SFI1: variants seen among roughly 807,000 people sequenced by gnomAD.
The protein encoded by SFI1 is protein SFI1 homolog.
A neutral mutation model predicts 207.5 loss-of-function variants in SFI1; 195 were observed. The observed-to-expected ratio is 0.94, with a 90% CI of 0.84 to 1.06. The LOEUF (loss-of-function observed/expected upper bound fraction) is 1.06, where lower values mean the gene tolerates loss of function less well. Ranked by LOEUF, SFI1 falls within the 50% of genes least tolerant of loss-of-function variation. The pLI is 0.00. For synonymous variants in SFI1, 630 were observed against 598.9 expected (o/e 1.05, Z -0.76); for missense variants, 1,634 against 1,588.0 (o/e 1.03, Z -0.49).
intron 1 of SFI1, among the ~76,000 whole-genome samples, chr22:31,506,032 AC>A (rs1771999180): frequency 6.7e-6 from 1 of 149,854 alleles, no homozygotes; most frequent in Non-Finnish European, 1.5e-5. Flanking sequence ...AGCCTGGGTG[AC>A]AGAGGGAAAT....
Position 31,604,876 on chromosome 22 carries a change from A to G in SFI1, c.1985A>G (p.Gln662Arg), listed in dbSNP as rs758532806. ...CTTCCTTGTCCCCTACAGACTTACC[A>G]GGGCAGGGTGCGAAGCATCCTCCGG... Reference protein sequence around the residue: ...HRALQAWVTYQGRVRSILREV... With the variant: ...HRALQAWVTYRGRVRSILREV... The change falls in exon 20 of 33, where the codon CAG becomes CGG. Residue 662 changes from glutamine to arginine, a missense_variant. By Grantham distance (43) the Gln-to-Arg change is conservative. Coordinates refer to ENST00000400288, the MANE Select transcript of SFI1 (RefSeq NM_001007467.3). 7.4e-6 allele frequency: 12 copies of G among 1,611,666 alleles called. No individual in the cohort carries two copies. The highest frequency in any genetic ancestry group is 1.0e-5 in the Non-Finnish European group (12 of 1,178,904).
chr22:31,602,888 C>G, intron 17 of SFI1, 103 bp downstream of exon 17: 1 of 1,281,806 alleles, frequency 7.8e-7, no homozygotes, highest in African/African-American at 1.5e-5. Context: ...GACTGCATTA[C>G]CCCAGACTCT....
chr22:31,612,396 A>ATATATAT (rs1331671158), intron 24 of SFI1: 6 of 95,748 alleles, frequency 6.3e-5, no homozygotes, highest in African/African-American at 1.6e-4. Flanking sequence ...AAAAAAAAAA[A>ATATATAT]AAATATATAT....
intron 15 of SFI1, among the ~76,000 whole-genome samples, chr22:31,591,321 A>G (rs933054106): frequency 1.3e-5 from 2 of 151,998 alleles, no homozygotes; most frequent in East Asian, 1.9e-4. Context: ...AGGCAGAGGA[A>G]TTTTTCTTAG....
At chr22:31,613,898 CA>C in intron 27 of SFI1, 43 bp downstream of exon 27, 1 of 1,541,086 alleles carries the variant, frequency 6.5e-7, no homozygotes. Flanking sequence ...CCACCCTGGG[CA>C]AAAGGTTGGA....
At chr22:31,514,571 T>C (rs925505937) in intron 2 of SFI1, among the ~76,000 whole-genome samples, 7 of 151,708 alleles carry the variant, frequency 4.6e-5, no homozygotes, top group African/African-American at 1.4e-4. Flanking sequence ...CTTTGTGTCC[T>C]TTGATTACCA....
At position 31,583,878 on chromosome 22, in the gene SFI1, C is replaced by CT. The variant is rs1173360213; in HGVS notation, c.1253dup (p.His419AlafsTer12). 6 of 1,613,820 alleles carry CT rather than the reference C, an allele frequency of 3.7e-6. No homozygotes were observed. Among genetic ancestry groups the CT allele is most frequent in the Non-Finnish European group, 5.1e-6 (6 of 1,179,852 alleles). ...TCTTCTTCCTCCCTTGCTTTAGCTG[C>CT]TGCACAGGTTCTGGAACCTCTGGCG... On this transcript the variant is annotated frameshift_variant, in exon 13 of 33. Transcript: ENST00000400288. LOFTEE classifies it high-confidence loss of function.
At chr22:31,614,534 G>T in intron 27 of SFI1, 1 of 672,240 alleles carries the variant, frequency 1.5e-6, no homozygotes, top group East Asian at 2.9e-5. Context: ...CTGGCGACCT[G>T]TACACCAGCG....
intron 2 of SFI1, among the ~76,000 whole-genome samples, chr22:31,511,384 T>C (rs2055491265): frequency 6.6e-6 from 1 of 152,024 alleles, no homozygotes. Flanking sequence ...TCTTTAGGCC[T>C]GCTTTATTTC....
At chr22:31,564,631 A>G (rs1368786895) in intron 8 of SFI1, among the ~76,000 whole-genome samples, 1 of 151,606 alleles carries the variant, frequency 6.6e-6, no homozygotes, top group Non-Finnish European at 1.5e-5. Context: ...CAGCCTCCCA[A>G]GTAGCTGAGA....
chr22:31,587,482 G>GTT (rs11431150), intron 14 of SFI1: 4,118 of 162,554 alleles, frequency 0.025, 2 homozygotes, highest in South Asian at 0.082. Flanking sequence ...TTTGTGTTTT[G>GTT]TTTTTTTTTT....
intron 8 of SFI1, among the ~76,000 whole-genome samples, chr22:31,565,103 G>A (rs141690843): frequency 0.012 from 1,781 of 147,920 alleles, 10 homozygotes; most frequent in Middle Eastern, 0.035. Context: ...GATTACAGGC[G>A]TGAGCCACCG....
chr22:31,510,147 A>G (rs1049809720), intron 2 of SFI1, among the ~76,000 whole-genome samples: 1 of 151,330 alleles, frequency 6.6e-6, no homozygotes, highest in South Asian at 2.1e-4. Context: ...TTCTTTTTAA[A>G]TCTTTGGTAG....
At chr22:31,607,373 C>G (rs949259617) in intron 21 of SFI1, among the ~76,000 whole-genome samples, 1 of 152,010 alleles carries the variant, frequency 6.6e-6, no homozygotes, top group Non-Finnish European at 1.5e-5. Flanking sequence ...GAGACTGAGT[C>G]GGGTGGATCA....
chr22:31,567,205 A>T (rs1156280868), intron 8 of SFI1, among the ~76,000 whole-genome samples: 1 of 152,204 alleles, frequency 6.6e-6, no homozygotes, highest in Admixed American at 6.5e-5. Flanking sequence ...GCACCTGGCC[A>T]AGCCTATTAG....
chr22:31,524,563 C>T (rs2057676784), intron 2 of SFI1, among the ~76,000 whole-genome samples: 1 of 151,956 alleles, frequency 6.6e-6, no homozygotes, highest in Non-Finnish European at 1.5e-5. Context: ...GCTGGGACTA[C>T]AAGCACACAC....
At position 31,580,295 on chromosome 22, in the gene SFI1, A is replaced by T; in HGVS notation, c.1179A>T (p.Lys393Asn). 6.2e-7 allele frequency: 1 copy of T among 1,614,054 alleles called. No individual in the cohort carries two copies. Residue 393 changes from lysine (K) to asparagine (N), a missense_variant, in exon 12 of 33, where the codon AAA becomes AAT. Physicochemically the swap from Lys to Asn is moderately conservative, Grantham distance 94. Coordinates refer to ENST00000400288, the MANE Select transcript of SFI1 (RefSeq NM_001007467.3). ...AGTATTTTTGCTTTAGAGCCCTAAAAGACAATGTGACCCACGCTCATCTCC... is the reference window on the plus strand; with the variant it reads ...AGTATTTTTGCTTTAGAGCCCTAAATGACAATGTGACCCACGCTCATCTCC... ...SQLYFCFRAL[K>N]DNVTHAHLQQ...
Position 31,513,761 on chromosome 22 carries a change from A to C in SFI1, c.92+5385A>C, listed in dbSNP as rs1020816705. ...CCTGGCTAATTTTTTTTGAATTTTT[A>C]GTAGAGACAGGGTTTCACCATGTTG... On this transcript the variant is annotated intron_variant, in intron 2 of 32. Coordinates refer to ENST00000400288, the MANE Select transcript of SFI1 (RefSeq NM_001007467.3). 2.0e-5 allele frequency among the ~76,000 whole-genome samples: 3 copies of C among 151,692 alleles called. No homozygotes were observed. In the East Asian group the frequency reaches 6.0e-4, roughly 30 times the overall value.
chr22:31,610,993 C>CCATG (rs2070007486), intron 22 of SFI1, 150 bp from the exon 23 acceptor site: 3 of 1,006,174 alleles, frequency 3.0e-6, no homozygotes, highest in Non-Finnish European at 3.0e-6. Context: ...TAGAGAGGGG[C>CCATG]CATGGTCCAT....
Sources: allele counts gnomAD v4.1 joint callset (sites outside exome capture counted in the v4.1 genomes callset), GRCh38; gene constraint gnomAD v4.1.1; transcripts MANE v1.5; gene names NCBI Gene and HGNC (gene_info 2026-07-23, HGNC 2026-07-21).